ANKRD55: variants seen among roughly 807,000 people sequenced by gnomAD.
ANKRD55 encodes the protein ankyrin repeat domain-containing protein 55.
In ANKRD55, 41 loss-of-function variants were observed where a neutral mutation model predicts 60.6. The ratio of observed to expected loss-of-function variants is 0.68; its 90% CI spans 0.53 to 0.88. ANKRD55 has a LOEUF of 0.88. ANKRD55 is among the 40% of genes least tolerant of loss of function. The probability of loss-of-function intolerance (pLI) is 0.00; values close to 1 mark genes in which losing one functional copy is unlikely to be tolerated. For synonymous variants in ANKRD55, 264 were observed against 290.3 expected, an observed-to-expected ratio of 0.91 and a Z score of 0.92; for missense variants, 732 against 767.6, an observed-to-expected ratio of 0.95 and a Z score of 0.55.
intron 2 of ANKRD55, among the ~76,000 whole-genome samples, chr5:56,184,601 T>C (rs1325621958): frequency 6.6e-6 from 1 of 152,120 alleles, no homozygotes; most frequent in Non-Finnish European, 1.5e-5. Context: ...AATAGCATGG[T>C]CAAAGGCAAC....
Position 56,127,051 on chromosome 5 carries a change from A to G in ANKRD55, c.668T>C (p.Ile223Thr). The part of the protein sequence containing the change: ...IILSHHQGPS[I>T]INYDDESGKT... The stretch of plus-strand genomic sequence containing the variant: ...CCCACTCTCATCATCATAGTTGATT[A>G]TGGACGGCCCCTGGTGATGGCTCAG... The change falls in exon 8 of 12, where the codon ATA becomes ACA. Residue 223 changes from isoleucine to threonine, a missense_variant. Ile to Thr is a moderately conservative substitution (Grantham distance 89). This residue lies in a region of ANKRD55 where 597 missense variants were observed against 607.5 expected (regional missense o/e 0.98). Transcript: ENST00000341048. The G allele has an allele frequency of 6.2e-7, 1 of 1,613,894 alleles. No homozygotes were observed. The highest frequency in any genetic ancestry group is 8.5e-7 in the Non-Finnish European group (1 of 1,179,872).
intron 9 of ANKRD55, 25 bp from the exon 10 acceptor site, chr5:56,111,807 A>T: frequency 2.0e-6 from 3 of 1,471,910 alleles, no homozygotes; most frequent in Non-Finnish European, 2.7e-6. Flanking sequence ...AAGAGCAGGG[A>T]TGATATGTGA....
At chr5:56,136,347 C>CT (rs1757597838) in intron 7 of ANKRD55, among the ~76,000 whole-genome samples, 1 of 152,158 alleles carries the variant, frequency 6.6e-6, no homozygotes, top group Admixed American at 6.5e-5. Context: ...CACTACTCAA[C>CT]TTTAAGACTT....
intron 6 of ANKRD55, among the ~76,000 whole-genome samples, chr5:56,145,891 T>C (rs867279332): frequency 6.6e-6 from 1 of 152,228 alleles, no homozygotes. Flanking sequence ...TGGAACTTCT[T>C]ATTCTTATTC....
At chr5:56,126,671 G>T (rs2111720001) in intron 8 of ANKRD55, among the ~76,000 whole-genome samples, 1 of 152,048 alleles carries the variant, frequency 6.6e-6, no homozygotes, top group Middle Eastern at 3.4e-3. Context: ...AACGTCTTCT[G>T]AGAACACAGA....
chr5:56,225,775 A>C (rs1409008886), intron 2 of ANKRD55, among the ~76,000 whole-genome samples: 1 of 152,196 alleles, frequency 6.6e-6, no homozygotes, highest in East Asian at 1.9e-4. Context: ...ACCAACTTAC[A>C]AGGGATGTGA....
intron 2 of ANKRD55, among the ~76,000 whole-genome samples, chr5:56,230,132 T>G (rs1053308831): frequency 3.3e-5 from 5 of 152,178 alleles, no homozygotes; most frequent in African/African-American, 1.2e-4. Context: ...AGTCTTGCTC[T>G]GTCGCCAGGT....
chr5:56,194,604 A>T (rs1047952142), intron 2 of ANKRD55, among the ~76,000 whole-genome samples: 9 of 152,132 alleles, frequency 5.9e-5, no homozygotes, highest in Admixed American at 5.2e-4. Flanking sequence ...CTAATTAGTA[A>T]TCCTTTACTG....
chr5:56,116,400 A>G (rs549019070), intron 9 of ANKRD55, among the ~76,000 whole-genome samples: 3 of 152,364 alleles, frequency 2.0e-5, no homozygotes, highest in African/African-American at 2.4e-5. Flanking sequence ...ATTCACTACT[A>G]TCATTTTGCT....
At chr5:56,129,710 G>A (rs2111727861) in intron 7 of ANKRD55, among the ~76,000 whole-genome samples, 1 of 152,332 alleles carries the variant, frequency 6.6e-6, no homozygotes, top group East Asian at 1.9e-4. Context: ...ATATGTCTAA[G>A]GAATATGTTC....
intron 10 of ANKRD55, among the ~76,000 whole-genome samples, chr5:56,109,358 A>G (rs1168801904): frequency 6.6e-6 from 1 of 152,162 alleles, no homozygotes; most frequent in Admixed American, 6.6e-5. Context: ...TAGTGTTGCC[A>G]GATTTTCTAG....
In ANKRD55 at chr5:56,101,396, C is replaced by CTGTGTG. The variant is rs532386255; in HGVS notation, c.1723+1092_1724-1093dup. Among the ~76,000 whole-genome samples, 105 of 144,458 alleles carry CTGTGTG rather than the reference C, an allele frequency of 7.3e-4. 1 individual carries two copies. In the East Asian group the frequency reaches 0.019, roughly 26 times the overall value. 94.8% of individuals were successfully genotyped at this position (144,458 alleles called of 152,430 possible). The stretch of plus-strand genomic sequence containing the variant: ...CTGCACTTAGGAGGATGTGGAGGGG[C>CTGTGTG]TGTGTGTGTGTGTGTTTGTCTGTGA... On this transcript the variant is annotated intron_variant, in intron 11 of 11. Coordinates refer to ENST00000341048, the MANE Select transcript of ANKRD55 (RefSeq NM_024669.3).
intron 2 of ANKRD55, among the ~76,000 whole-genome samples, chr5:56,210,560 CAA>C (rs59566826): frequency 0.076 from 4,947 of 64,858 alleles, 47 homozygotes; most frequent in African/African-American, 0.13. Flanking sequence ...GACTACGTCT[CAA>C]AAAAAAAAAA....
At chr5:56,204,209 T>C (rs1561291402) in intron 2 of ANKRD55, among the ~76,000 whole-genome samples, 1 of 152,250 alleles carries the variant, frequency 6.6e-6, no homozygotes, top group Non-Finnish European at 1.5e-5. Context: ...GAGTTCATTG[T>C]AGATTCTGGA....
At chr5:56,166,158 T>TTTCTTTCTTCCTTCC (rs1554040812) in intron 5 of ANKRD55, among the ~76,000 whole-genome samples, 1,343 of 72,392 alleles carry the variant, frequency 0.019, 115 homozygotes, top group Non-Finnish European at 0.024. Context: ...TTCTTTCTTC[T>TTTCTTTCTTCCTTCC]TTCCTTCCTT....
At chr5:56,146,569 T>C (rs1283509206) in intron 6 of ANKRD55, among the ~76,000 whole-genome samples, 1 of 152,198 alleles carries the variant, frequency 6.6e-6, no homozygotes, top group Non-Finnish European at 1.5e-5. Context: ...AGTGAACCAC[T>C]GCACCCGGCC....
At chr5:56,157,794 C>T (rs994230836) in intron 6 of ANKRD55, among the ~76,000 whole-genome samples, 1 of 152,190 alleles carries the variant, frequency 6.6e-6, no homozygotes, top group Non-Finnish European at 1.5e-5. Flanking sequence ...TCAATAAATA[C>T]TGAGGGAACT....
chr5:56,120,998 C>T (rs775358740), intron 8 of ANKRD55, among the ~76,000 whole-genome samples: 18 of 151,098 alleles, frequency 1.2e-4, no homozygotes, highest in Admixed American at 2.0e-4. Context: ...AGCAGAGATA[C>T]TAGGAGCGAG....
At chr5:56,181,445 C>CT (rs1349828792) in intron 3 of ANKRD55, among the ~76,000 whole-genome samples, 6 of 151,926 alleles carry the variant, frequency 3.9e-5, no homozygotes, top group African/African-American at 9.7e-5. Flanking sequence ...TTGTCTAAAG[C>CT]TTTTTTTGTA....
Sources: allele counts gnomAD v4.1 joint callset (sites outside exome capture counted in the v4.1 genomes callset), GRCh38; gene constraint gnomAD v4.1.1; regional missense constraint gnomAD v4.1.1; transcripts MANE v1.5; gene names NCBI Gene and HGNC (gene_info 2026-07-23, HGNC 2026-07-21).